Variants in LARP1B observed in about 807,000 individuals in gnomAD.
The protein encoded by LARP1B is La ribonucleoprotein 1B.
Under a neutral mutation model 114.2 loss-of-function variants are expected in LARP1B, and 76 were observed. The ratio of observed to expected loss-of-function variants is 0.67; its 90% CI spans 0.55 to 0.81. The LOEUF (loss-of-function observed/expected upper bound fraction) is 0.81, where lower values mean the gene tolerates loss of function less well. LARP1B is among the 30% of genes least tolerant of loss of function. The probability of loss-of-function intolerance (pLI) is 0.00; values close to 1 mark genes in which losing one functional copy is unlikely to be tolerated. For missense variants in LARP1B, 1,014 were observed against 1,075.8 expected, an observed-to-expected ratio of 0.94 and a Z score of 0.80; for synonymous variants, 345 against 348.0, an observed-to-expected ratio of 0.99 and a Z score of 0.10.
intron 1 of LARP1B, among the ~76,000 whole-genome samples, chr4:128,074,191 C>T (rs377413104): frequency 1.3e-5 from 2 of 150,814 alleles, no homozygotes; most frequent in East Asian, 2.0e-4. Context: ...CCACCCACCT[C>T]GGCCTCCCAA....
intron 13 of LARP1B, among the ~76,000 whole-genome samples, chr4:128,177,619 G>T (rs538439912): frequency 2.3e-4 from 35 of 152,260 alleles, no homozygotes; most frequent in South Asian, 2.3e-3. Context: ...GCAACAACTA[G>T]ATCATTTAAA....
intron 11 of LARP1B, among the ~76,000 whole-genome samples, chr4:128,147,499 A>G (rs1730885654): frequency 6.6e-6 from 1 of 152,200 alleles, no homozygotes; most frequent in Non-Finnish European, 1.5e-5. Flanking sequence ...GGTTTGATTT[A>G]TGAAGGGGAA....
chr4:128,186,387 T>C (rs1273476241), intron 15 of LARP1B, among the ~76,000 whole-genome samples: 3 of 152,220 alleles, frequency 2.0e-5, no homozygotes, highest in Admixed American at 1.3e-4. Flanking sequence ...TCTTTCACTT[T>C]GGTTACACTT....
rs1305039052 is a variant in LARP1B, at chr4:128,062,010, C to T, written c.-78+609C>T. On this transcript the variant is annotated intron_variant, in intron 1 of 19. Coordinates refer to ENST00000326639, the MANE Select transcript of LARP1B (RefSeq NM_018078.4). ...GGCCCTTTCGGCGGGGAGCCGCCAC[C>T]GCCACCGCCGCCGCCGTCGCCGTTG... 2 of 985,070 alleles carry T rather than the reference C, an allele frequency of 2.0e-6. 1 individual carries two copies. The highest frequency in any genetic ancestry group is 3.5e-5 in the African/African-American group (2 of 57,306). The allele number at this position is 985,070 out of a possible 1,614,324, so 61.0% of individuals were successfully genotyped here.
intron 1 of LARP1B, chr4:128,069,588 C>T: frequency 1.4e-6 from 1 of 713,050 alleles, no homozygotes. Flanking sequence ...CTCCATAGCT[C>T]CTGGATTTAC....
chr4:128,065,879 G>C (rs1762594062), intron 1 of LARP1B, among the ~76,000 whole-genome samples: 1 of 152,066 alleles, frequency 6.6e-6, no homozygotes, highest in African/African-American at 2.4e-5. Context: ...GCAGTGGTGA[G>C]ATCATAGCTC....
In LARP1B at chr4:128,200,558, G is replaced by A; in HGVS notation, c.2202G>A (p.Met734Ile). The A allele has an allele frequency of 6.3e-7, 1 of 1,587,474 alleles. No homozygotes were observed. Among genetic ancestry groups the A allele is most frequent in the African/African-American group, 1.4e-5 (1 of 73,864 alleles). ...KRLGIGQSQE[M>I]NTLFRFWSFF... is the part of the protein sequence containing the mutation. ...TGGGAATTGGTCAGTCCCAAGAAAT[G>A]AATACCCTCTTTCGTTTCTGGTCCT... The change falls in exon 17 of 20, where the codon ATG becomes ATA. Residue 734 changes from methionine (M) to isoleucine (I), a missense_variant. By Grantham distance (10) the Met-to-Ile change is conservative. Transcript: ENST00000326639.
At chr4:128,116,296 A>G (rs182812081) in intron 10 of LARP1B, among the ~76,000 whole-genome samples, 149 of 152,324 alleles carry the variant, frequency 9.8e-4, no homozygotes, top group African/African-American at 3.5e-3. Context: ...TATCAAAGTC[A>G]ATACCTTGTT....
chr4:128,134,943 A>T (rs1008625933), intron 11 of LARP1B, among the ~76,000 whole-genome samples: 2 of 151,980 alleles, frequency 1.3e-5, no homozygotes, highest in African/African-American at 4.8e-5. Context: ...CATCTCTACT[A>T]AAAATACAAA....
chr4:128,201,769 CAT>C (rs1050193469), intron 17 of LARP1B, among the ~76,000 whole-genome samples: 10 of 152,290 alleles, frequency 6.6e-5, no homozygotes, highest in Admixed American at 5.9e-4. Flanking sequence ...TAAGAAGGAA[CAT>C]GGCGTGGACT....
intron 5 of LARP1B, among the ~76,000 whole-genome samples, chr4:128,090,029 T>C (rs1043703497): frequency 1.3e-5 from 2 of 151,244 alleles, no homozygotes; most frequent in African/African-American, 4.9e-5. Context: ...TGTCTCAGCC[T>C]ACCAAAGTGC....
intron 8 of LARP1B, among the ~76,000 whole-genome samples, chr4:128,104,966 T>G (rs1297413028): frequency 6.6e-6 from 1 of 152,208 alleles, no homozygotes. Flanking sequence ...ACCACCACTA[T>G]TGGGAGTTTG....
chr4:128,086,104 C>T (rs1347527341), intron 5 of LARP1B, among the ~76,000 whole-genome samples: 5 of 150,836 alleles, frequency 3.3e-5, no homozygotes, highest in East Asian at 2.0e-4. Context: ...AGTTCCGCCT[C>T]CCTGGTTCAC....
chr4:128,129,413 G>A (rs1361553810), intron 11 of LARP1B, among the ~76,000 whole-genome samples: 2 of 151,176 alleles, frequency 1.3e-5, no homozygotes, highest in Non-Finnish European at 2.9e-5. Flanking sequence ...ATTATAGATA[G>A]GAAGACTCAA....
chr4:128,082,190 C>G lies in LARP1B; in HGVS notation c.243C>G (p.Leu81=). Residue 81 remains leucine, a synonymous_variant, in exon 5 of 20, where the codon CTC becomes CTG. Transcript: ENST00000326639. ...KRANKHKWVP[L]HLDVVRSESQ... ...CTAATAAGCACAAGTGGGTACCACT[C>G]CACTTAGATGTTGTAAGATCAGAGA... 1 of 1,612,136 alleles carries G rather than the reference C, an allele frequency of 6.2e-7. No homozygotes were observed. Among genetic ancestry groups the G allele is most frequent in the Non-Finnish European group, 8.5e-7 (1 of 1,179,900 alleles).
At chr4:128,088,305 A>G (rs1774489707) in intron 5 of LARP1B, among the ~76,000 whole-genome samples, 1 of 152,138 alleles carries the variant, frequency 6.6e-6, no homozygotes, top group Non-Finnish European at 1.5e-5. Context: ...ATTTCATCCC[A>G]TTGTCTCGGA....
intron 1 of LARP1B, among the ~76,000 whole-genome samples, chr4:128,064,350 C>G (rs1579608538): frequency 6.6e-6 from 1 of 150,880 alleles, no homozygotes; most frequent in East Asian, 1.9e-4. Flanking sequence ...GAGGAACTCT[C>G]CAAAGAGGGA....
At chr4:128,062,592 C>CTTTTTTTTTTTTTTTTTT (rs10659836) in intron 1 of LARP1B, among the ~76,000 whole-genome samples, 19 of 128,276 alleles carry the variant, frequency 1.5e-4, no homozygotes, top group African/African-American at 5.2e-4. Context: ...TTTTGGTAGA[C>CTTTTTTTTTTTTTTTTTT]TTTTTTTTTT....
chr4:128,079,268 G>A (rs867634321), intron 4 of LARP1B, among the ~76,000 whole-genome samples: 2 of 151,612 alleles, frequency 1.3e-5, no homozygotes, highest in Non-Finnish European at 2.9e-5. Flanking sequence ...CTAACTTTTT[G>A]TATTTTAGTA....
Sources: allele counts gnomAD v4.1 joint callset (sites outside exome capture counted in the v4.1 genomes callset), GRCh38; gene constraint gnomAD v4.1.1; transcripts MANE v1.5; gene names NCBI Gene and HGNC (gene_info 2026-07-23, HGNC 2026-07-21).